CHST9: variants seen among roughly 807,000 people sequenced by gnomAD.
The protein encoded by CHST9 is carbohydrate sulfotransferase 9.
In CHST9, 41 loss-of-function variants were observed where a neutral mutation model predicts 44.4. That is an observed-to-expected ratio of 0.92 (90% confidence interval 0.72 to 1.20). The LOEUF (loss-of-function observed/expected upper bound fraction) is 1.20, where lower values mean the gene tolerates loss of function less well. Ranked by LOEUF, CHST9 falls within the 50% of genes most tolerant of loss-of-function variation. The pLI is 0.00. For synonymous variants in CHST9, 171 were observed against 178.4 expected (o/e 0.96, Z 0.33); for missense variants, 504 against 516.5 (o/e 0.98, Z 0.23).
chr18:26,956,326 A>AAT (rs71169902), intron 4 of CHST9, among the ~76,000 whole-genome samples: 1,585 of 125,544 alleles, frequency 0.013, 61 homozygotes, highest in South Asian at 0.11. Context: ...AAAAAAAAAA[A>AAT]ATATATATAT....
At chr18:27,112,390 A>C (rs1355723659) in intron 2 of CHST9, among the ~76,000 whole-genome samples, 1 of 151,612 alleles carries the variant, frequency 6.6e-6, no homozygotes, top group Non-Finnish European at 1.5e-5. Context: ...TTTATGTTTT[A>C]TATACACCTT....
chr18:27,046,199 G>T (rs1452598515), intron 3 of CHST9, among the ~76,000 whole-genome samples: 1 of 151,904 alleles, frequency 6.6e-6, no homozygotes, highest in Admixed American at 6.6e-5. Flanking sequence ...TGCTAGAGAC[G>T]TTTCCTTGTT....
rs2055399320 is a variant in CHST9, at chr18:26,908,573, A to G, written c.*7686T>C. ...TGCAAAGAGAAAAGAAGTAATTTTTAAATAAATAAATAAAAAAGGCAGGAC... is the reference window on the plus strand; with the variant it reads ...TGCAAAGAGAAAAGAAGTAATTTTTGAATAAATAAATAAAAAAGGCAGGAC... On this transcript the variant is annotated 3_prime_UTR_variant, in exon 6 of 6. Coordinates refer to ENST00000618847, the MANE Select transcript of CHST9 (RefSeq NM_031422.6). The G allele has an allele frequency of 6.6e-6, 1 of 152,208 alleles. No homozygotes were observed. The highest frequency in any genetic ancestry group is 2.4e-5 in the African/African-American group (1 of 41,466). 9.4% of individuals were successfully genotyped at this position (152,208 alleles called of 1,614,324 possible).
intron 1 of CHST9, among the ~76,000 whole-genome samples, chr18:27,183,882 G>C (rs1367197077): frequency 6.6e-6 from 1 of 152,068 alleles, no homozygotes; most frequent in Non-Finnish European, 1.5e-5. Context: ...TTAGGTACTG[G>C]AATTAACAGG....
At chr18:26,925,434 G>A (rs2055747946) in intron 5 of CHST9, among the ~76,000 whole-genome samples, 2 of 152,228 alleles carry the variant, frequency 1.3e-5, no homozygotes, top group Admixed American at 1.3e-4. Context: ...CACAGCTATT[G>A]CTGGAGCTGG....
intron 2 of CHST9, among the ~76,000 whole-genome samples, chr18:27,071,232 A>G (rs2057836587): frequency 6.6e-6 from 1 of 152,218 alleles, no homozygotes; most frequent in Non-Finnish European, 1.5e-5. Flanking sequence ...ATCTTCTGAA[A>G]TAGTCTTCCT....
chr18:26,945,408 A>ATCACTCCCCTCC (rs1266022072), intron 4 of CHST9, among the ~76,000 whole-genome samples: 1 of 152,172 alleles, frequency 6.6e-6, no homozygotes, highest in Non-Finnish European at 1.5e-5. Context: ...ACTACACTAC[A>ATCACTCCCCTCC]TCACTCCCCT....
chr18:27,082,906 A>C (rs1344079225), intron 2 of CHST9, among the ~76,000 whole-genome samples: 1 of 152,178 alleles, frequency 6.6e-6, no homozygotes, highest in Non-Finnish European at 1.5e-5. Flanking sequence ...AGATTTTCAC[A>C]AATCTTTTAG....
chr18:27,153,546 C>CTCTGTGTGTGTGTG (rs1555628608), intron 1 of CHST9, among the ~76,000 whole-genome samples: 1 of 138,504 alleles, frequency 7.2e-6, no homozygotes, highest in African/African-American at 2.6e-5. Flanking sequence ...CTCTCTCTCT[C>CTCTGTGTGTGTGTG]TGTGTGTGTG....
intron 2 of CHST9, among the ~76,000 whole-genome samples, chr18:27,067,644 T>C (rs944033523): frequency 2.6e-5 from 4 of 152,124 alleles, no homozygotes; most frequent in Admixed American, 1.3e-4. Context: ...CACTTTTCTA[T>C]GGGCCCATAT....
intron 2 of CHST9, among the ~76,000 whole-genome samples, chr18:27,070,388 G>A (rs1263176350): frequency 6.6e-6 from 1 of 152,040 alleles, no homozygotes; most frequent in African/African-American, 2.4e-5. Flanking sequence ...AATATAATAA[G>A]GCTTATCTCT....
At chr18:27,101,609 C>CA (rs888191371) in intron 2 of CHST9, among the ~76,000 whole-genome samples, 4 of 147,136 alleles carry the variant, frequency 2.7e-5, no homozygotes, top group Non-Finnish European at 6.0e-5. Flanking sequence ...GACTCTGTCT[C>CA]AAAAAAAATA....
chr18:27,041,969 G>A (rs2057450542), intron 3 of CHST9, among the ~76,000 whole-genome samples: 1 of 152,032 alleles, frequency 6.6e-6, no homozygotes, highest in Admixed American at 6.6e-5. Context: ...AAAATTGGTT[G>A]CTTTTAAAAA....
chr18:26,919,522 A>G (rs2055606609), intron 5 of CHST9, among the ~76,000 whole-genome samples: 1 of 152,210 alleles, frequency 6.6e-6, no homozygotes. Flanking sequence ...ACTGCTATAA[A>G]TAATAACTAC....
rs1291133808 is a variant in CHST9, at chr18:26,916,363, C to T, written c.1228G>A (p.Val410Met). ...SSDERTNAQV[V>M]RQYLKDLTRT... ...GTCAGATCCTTTAAATACTGTCTCACGACTTGAGCATTGGTTCTTTCATCG... is the reference window on the plus strand; with the variant it reads ...GTCAGATCCTTTAAATACTGTCTCATGACTTGAGCATTGGTTCTTTCATCG... Residue 410 changes from valine (V) to methionine (M), a missense_variant, in exon 6 of 6, where the codon GTG (valine) becomes ATG (methionine). Transcript: ENST00000618847. 49 of 1,613,660 alleles carry T rather than the reference C, an allele frequency of 3.0e-5. No individual in the cohort carries two copies. The highest frequency in any genetic ancestry group is 3.3e-4 in the Middle Eastern group (2 of 6,062).
At chr18:27,114,221 C>T (rs1325098142) in intron 2 of CHST9, among the ~76,000 whole-genome samples, 1 of 152,094 alleles carries the variant, frequency 6.6e-6, no homozygotes, top group Admixed American at 6.6e-5. Context: ...ATTATAACGA[C>T]GGAATCTTTA....
chr18:27,003,074 T>A (rs2056972500), intron 4 of CHST9, among the ~76,000 whole-genome samples: 1 of 152,160 alleles, frequency 6.6e-6, no homozygotes, highest in South Asian at 2.1e-4. Flanking sequence ...AAAATAATTT[T>A]AAAATAATAA....
chr18:26,952,121 G>T, intron 4 of CHST9: 2 of 472,868 alleles, frequency 4.2e-6, no homozygotes, highest in South Asian at 3.2e-5. Context: ...AAGCCACTTA[G>T]ACATTCTTGT....
chr18:26,917,903 T>A (rs546182528), intron 5 of CHST9, among the ~76,000 whole-genome samples: 1 of 152,216 alleles, frequency 6.6e-6, no homozygotes, highest in South Asian at 2.1e-4. Flanking sequence ...AAATGTTTTA[T>A]TTTTCTAAAG....
Sources: allele counts gnomAD v4.1 joint callset (sites outside exome capture counted in the v4.1 genomes callset), GRCh38; gene constraint gnomAD v4.1.1; transcripts MANE v1.5; gene names NCBI Gene and HGNC (gene_info 2026-07-23, HGNC 2026-07-21).